The following CIT variants were observed in gnomAD, a reference collection of about 807,000 sequenced individuals.
The protein encoded by CIT is citron rho-interacting serine/threonine kinase.
In CIT, 79 loss-of-function variants were observed where a neutral mutation model predicts 272.7. That is an observed-to-expected ratio of 0.29 (90% CI 0.24 to 0.35). CIT has a LOEUF of 0.35. Among genes scored for constraint, CIT ranks in the 10% least tolerant of loss-of-function variants. CIT has a pLI of 1.00. For synonymous variants in CIT, 948 were observed against 995.6 expected (o/e 0.95, Z 0.90); for missense variants, 1,909 against 2,618.3 (o/e 0.73, Z 5.91).
chr12:119,759,298 A>G (rs1254722069), intron 20 of CIT, among the ~76,000 whole-genome samples: 3 of 152,192 alleles, frequency 2.0e-5, no homozygotes, highest in Non-Finnish European at 4.4e-5. Flanking sequence ...CAGAGTGTGA[A>G]CCCAATCATG....
chr12:119,827,596 C>A (rs1306295641), intron 7 of CIT, among the ~76,000 whole-genome samples: 1 of 152,088 alleles, frequency 6.6e-6, no homozygotes, highest in Non-Finnish European at 1.5e-5. Context: ...TGCCACCACA[C>A]CCAGATAATT....
chr12:119,773,454 C>T (rs1032246395), intron 16 of CIT, among the ~76,000 whole-genome samples: 3 of 151,708 alleles, frequency 2.0e-5, no homozygotes, highest in African/African-American at 7.3e-5. Context: ...TTTTTTGAGA[C>T]GGAGTTTTGC....
At chr12:119,751,945 T>C in intron 23 of CIT, 105 bp downstream of exon 23, 2 of 1,017,064 alleles carry the variant, frequency 2.0e-6, no homozygotes, top group Non-Finnish European at 1.4e-6. Context: ...GATCATGTTT[T>C]CCCTCCTGGA....
chr12:119,755,804 AACCTGGCC>A (rs1157355915), intron 22 of CIT, among the ~76,000 whole-genome samples: 2 of 152,110 alleles, frequency 1.3e-5, no homozygotes, highest in Non-Finnish European at 2.9e-5. Context: ...TCCTCCCCAA[AACCTGGCC>A]ACTCTTCCCA....
At chr12:119,735,619 A>C (rs1369643722) in intron 24 of CIT, among the ~76,000 whole-genome samples, 1 of 152,208 alleles carries the variant, frequency 6.6e-6, no homozygotes, top group African/African-American at 2.4e-5. Flanking sequence ...AATCAAAAGT[A>C]ATCACTGCAT....
chr12:119,735,069 G>C, intron 25 of CIT, 91 bp downstream of exon 25: 1 of 1,205,048 alleles, frequency 8.3e-7, no homozygotes, highest in Non-Finnish European at 1.2e-6. Flanking sequence ...ATGAGGTTCA[G>C]TGTTGGAACC....
At chr12:119,866,857 G>C (rs1462267620) in intron 3 of CIT, among the ~76,000 whole-genome samples, 2 of 152,144 alleles carry the variant, frequency 1.3e-5, no homozygotes, top group Non-Finnish European at 2.9e-5. Flanking sequence ...TGATGTGAAA[G>C]CAGCCATAGG....
intron 47 of CIT, among the ~76,000 whole-genome samples, chr12:119,689,062 G>A (rs914299215): frequency 7.9e-5 from 12 of 151,950 alleles, no homozygotes; most frequent in South Asian, 2.1e-4. Context: ...GCCTGTAGTC[G>A]CAGCTATTCA....
chr12:119,714,392 G>C, intron 32 of CIT, 58 bp from the exon 33 acceptor site: 3 of 1,578,546 alleles, frequency 1.9e-6, no homozygotes, highest in Non-Finnish European at 2.6e-6. Flanking sequence ...CATCAGGAAA[G>C]TGAAAAGACA....
At chr12:119,790,164 T>C (rs1965189828) in intron 10 of CIT, among the ~76,000 whole-genome samples, 1 of 152,182 alleles carries the variant, frequency 6.6e-6, no homozygotes, top group Admixed American at 6.5e-5. Flanking sequence ...GAGTCACCAG[T>C]TACACCAAAT....
intron 44 of CIT, among the ~76,000 whole-genome samples, chr12:119,700,497 C>A (rs1301178128): frequency 6.6e-6 from 1 of 152,180 alleles, no homozygotes; most frequent in Admixed American, 6.5e-5. Flanking sequence ...ATTCTCCTGC[C>A]TCAGCTTCCT....
At chr12:119,874,746 C>G (rs1014033210) in intron 2 of CIT, among the ~76,000 whole-genome samples, 2 of 151,772 alleles carry the variant, frequency 1.3e-5, no homozygotes, top group African/African-American at 4.8e-5. Context: ...ATTAGCCGGG[C>G]GAGGTGACGG....
At chr12:119,714,365 A>G in intron 32 of CIT, 31 bp from the exon 33 acceptor site, 1 of 1,611,996 alleles carries the variant, frequency 6.2e-7, no homozygotes, top group Non-Finnish European at 8.5e-7. Context: ...AAATCATTAG[A>G]GTACTGCAAA....
intron 19 of CIT, among the ~76,000 whole-genome samples, chr12:119,761,832 C>T (rs1043446794): frequency 1.3e-5 from 2 of 152,164 alleles, no homozygotes; most frequent in African/African-American, 4.8e-5. Context: ...AAACATAAAA[C>T]AGTAATGGTA....
rs377180612 is a variant in CIT, at chr12:119,772,737, C to T, written c.2082+33G>A. ...CTTGGGCACAGCCAAAGGCCGAGGC[C>T]GCTGGGGCCTGGGCTGGAGGTTCCC... is the stretch of plus-strand genomic sequence containing the variant. On this transcript the variant is annotated intron_variant, in intron 17 of 47. Transcript: ENST00000392521. 63 of 1,583,174 alleles carry T rather than the reference C, an allele frequency of 4.0e-5. 1 individual carries two copies. The South Asian group carries it at 4.2e-4, about 11-fold the overall frequency.
At chr12:119,707,142 A>G (rs1956916438) in intron 40 of CIT, among the ~76,000 whole-genome samples, 1 of 152,110 alleles carries the variant, frequency 6.6e-6, no homozygotes, top group Non-Finnish European at 1.5e-5. Flanking sequence ...TCCACATTAG[A>G]TTTTTTTTAA....
rs1966437015 is a variant in CIT at position 119,804,094 on chromosome 12, T to C, written c.1112-705A>G. 3.4e-6 allele frequency: 3 copies of C among 876,444 alleles called. No individual in the cohort carries two copies. In the African/African-American group the frequency reaches 5.4e-5, roughly 16 times the overall value. The allele number at this position is 876,444 out of a possible 1,614,324, so 54.3% of individuals were successfully genotyped here. A position where few individuals can be genotyped will look rare whatever the true frequency, so the allele number is the denominator to read the frequency against. On this transcript the variant is annotated intron_variant, in intron 9 of 47. Coordinates refer to ENST00000392521, the MANE Select transcript of CIT (RefSeq NM_001206999.2). The surrounding 1 kb of genome is among the most constrained non-coding windows in gnomAD (Gnocchi z 5.3). The stretch of plus-strand genomic sequence containing the variant: ...TGAAGCACCAGCCAAATAAAGTTCC[T>C]ACCGGTGATCTACAGCACCCCTGCG...
intron 5 of CIT, among the ~76,000 whole-genome samples, chr12:119,844,859 G>A (rs1196424880): frequency 2.6e-5 from 4 of 152,136 alleles, no homozygotes; most frequent in Non-Finnish European, 4.4e-5. Flanking sequence ...GGTGGCTCAC[G>A]CCTGTAATCC....
chr12:119,865,014 C>G (rs1178998778), intron 3 of CIT, among the ~76,000 whole-genome samples: 2 of 152,074 alleles, frequency 1.3e-5, no homozygotes, highest in Non-Finnish European at 2.9e-5. Context: ...CTGAGGGACC[C>G]TTCTCCACGT....
Sources: gnomAD v4.1 joint callset for allele counts (sites outside exome capture counted in the v4.1 genomes callset) on GRCh38, gnomAD v4.1.1 for gene constraint, Gnocchi (gnomAD v3.1) non-coding constraint, MANE v1.5 for transcripts, NCBI Gene and HGNC (gene_info 2026-07-23, HGNC 2026-07-21) for gene names.